The following WDR7 variants were observed in gnomAD, a reference collection of about 807,000 sequenced individuals.
The protein encoded by WDR7 is WD repeat-containing protein 7.
Under a neutral mutation model 169.4 loss-of-function variants are expected in WDR7, and 46 were observed. The ratio of observed to expected loss-of-function variants is 0.27; its 90% CI spans 0.21 to 0.35. WDR7 has a LOEUF of 0.35. Among genes scored for constraint, WDR7 ranks in the 10% least tolerant of loss-of-function variants. The pLI is 1.00. For missense variants in WDR7, 1,534 were observed against 1,859.3 expected (o/e 0.83, Z 3.22); for synonymous variants, 612 against 666.8 (o/e 0.92, Z 1.27).
At chr18:56,708,624 T>G (rs952404181) in intron 12 of WDR7, among the ~76,000 whole-genome samples, 1 of 152,080 alleles carries the variant, frequency 6.6e-6, no homozygotes, top group Non-Finnish European at 1.5e-5. Flanking sequence ...GGCAACACTT[T>G]GAGTTCCTTA....
At chr18:56,803,296 A>G (rs1240338861) in intron 19 of WDR7, among the ~76,000 whole-genome samples, 1 of 152,200 alleles carries the variant, frequency 6.6e-6, no homozygotes, top group Non-Finnish European at 1.5e-5. Flanking sequence ...ATCTGCTAGC[A>G]CAATATTAAA....
intron 21 of WDR7, among the ~76,000 whole-genome samples, chr18:56,906,249 G>T (rs1414817350): frequency 6.6e-6 from 1 of 152,168 alleles, no homozygotes; most frequent in Non-Finnish European, 1.5e-5. Context: ...GCAGGATCCA[G>T]ATTTGAGGAG....
chr18:56,924,189 G>A (rs896325031), intron 22 of WDR7, 81 bp downstream of exon 22: 4 of 1,475,726 alleles, frequency 2.7e-6, no homozygotes, highest in Non-Finnish European at 3.7e-6. Context: ...TGATCATTCT[G>A]TATAGATTGT....
At position 56,878,771 on chromosome 18, in the gene WDR7, T is replaced by C. The variant is rs539344593; in HGVS notation, c.3305-1173T>C. 3.3e-5 allele frequency among the ~76,000 whole-genome samples: 5 copies of C among 152,322 alleles called. No individual in the cohort carries two copies. The East Asian group carries it at 7.7e-4, about 23-fold the overall frequency. ...CTAATCTGCTTTCTGTCTCTATGGA[T>C]TTGCCTATTCTAAACATTTCATATA... On this transcript the variant is annotated intron_variant, in intron 20 of 27. Coordinates refer to ENST00000254442, the MANE Select transcript of WDR7 (RefSeq NM_015285.3).
chr18:56,741,822 G>A (rs1417328622), intron 14 of WDR7, among the ~76,000 whole-genome samples: 1 of 152,166 alleles, frequency 6.6e-6, no homozygotes, highest in African/African-American at 2.4e-5. Flanking sequence ...GTGATTACAG[G>A]ATTTTTGGCT....
intron 1 of WDR7, among the ~76,000 whole-genome samples, chr18:56,670,725 G>C (rs1410291036): frequency 6.6e-6 from 1 of 152,106 alleles, no homozygotes; most frequent in African/African-American, 2.4e-5. Context: ...TGGCCAGGCT[G>C]GTCTTGAACT....
intron 19 of WDR7, among the ~76,000 whole-genome samples, chr18:56,794,304 A>ATTTTTTTCTT (rs2044544068): frequency 2.0e-5 from 1 of 49,466 alleles, no homozygotes; most frequent in Non-Finnish European, 3.8e-5. Context: ...GGTAAAGTCT[A>ATTTTTTTCTT]TTTTTTTTTT....
chr18:57,002,205 C>T (rs760012531), intron 26 of WDR7, among the ~76,000 whole-genome samples: 3 of 152,018 alleles, frequency 2.0e-5, no homozygotes, highest in African/African-American at 7.2e-5. Context: ...TGAGTTGTCT[C>T]GAACCCAGAC....
At chr18:56,697,494 C>T (rs546810830) in intron 12 of WDR7, among the ~76,000 whole-genome samples, 1 of 152,222 alleles carries the variant, frequency 6.6e-6, no homozygotes, top group East Asian at 1.9e-4. Flanking sequence ...TAATTGTTCT[C>T]TTCCTTCTTT....
chr18:57,034,230 A>G (rs2048455967), downstream of WDR7: 1 of 152,156 alleles, frequency 6.6e-6, no homozygotes, highest in South Asian at 2.1e-4. Flanking sequence ...ATAAAAATAA[A>G]AGACCCAGCC....
At position 56,757,132 on chromosome 18, in the gene WDR7, A is replaced by G. The variant is rs778309174; in HGVS notation, c.2539A>G (p.Met847Val). The stretch of plus-strand genomic sequence containing the variant: ...GTCAAGAGGAGGCCATATGTCACTG[A>G]TGCTGCCGGGTTATAATCAGCCTGC... Reference protein sequence around the residue: ...LLSRGGHMSLMLPGYNQPACK... With the variant: ...LLSRGGHMSLVLPGYNQPACK... Residue 847 changes from methionine to valine, a missense_variant, in exon 15 of 28, where the codon ATG becomes GTG. Met to Val is a conservative substitution (Grantham distance 21, BLOSUM62 1). Coordinates refer to ENST00000254442, the MANE Select transcript of WDR7 (RefSeq NM_015285.3). 6.2e-7 allele frequency: 1 copy of G among 1,614,094 alleles called. No homozygotes were observed. The highest frequency in any genetic ancestry group is 8.5e-7 in the Non-Finnish European group (1 of 1,180,004).
chr18:56,893,738 C>T (rs1453334719), intron 21 of WDR7, among the ~76,000 whole-genome samples: 2 of 152,004 alleles, frequency 1.3e-5, no homozygotes, highest in Non-Finnish European at 2.9e-5. Flanking sequence ...TTATATTCTT[C>T]AAAACCCTGG....
intron 19 of WDR7, among the ~76,000 whole-genome samples, chr18:56,788,031 G>T (rs2044429015): frequency 6.6e-6 from 1 of 152,056 alleles, no homozygotes. Flanking sequence ...TTTTATATAT[G>T]CCTCAGTGTT....
intron 19 of WDR7, among the ~76,000 whole-genome samples, chr18:56,785,930 A>G (rs2044392774): frequency 6.6e-6 from 1 of 150,888 alleles, no homozygotes; most frequent in Admixed American, 6.6e-5. Context: ...CCTCCTGAGT[A>G]GCTGGAACTA....
intron 9 of WDR7, among the ~76,000 whole-genome samples, chr18:56,692,748 C>T (rs1037967666): frequency 6.6e-6 from 1 of 151,912 alleles, no homozygotes; most frequent in Non-Finnish European, 1.5e-5. Context: ...TAAATATCAG[C>T]TCCCTAATAC....
chr18:56,935,720 T>C (rs2046950940), intron 22 of WDR7, 68 bp from the exon 23 acceptor site: 2 of 1,432,324 alleles, frequency 1.4e-6, no homozygotes, highest in Non-Finnish European at 2.0e-6. Context: ...ATAAGCTGTG[T>C]CTAATCTTTT....
At chr18:56,971,219 C>T (rs1422664997) in intron 26 of WDR7, among the ~76,000 whole-genome samples, 1 of 150,116 alleles carries the variant, frequency 6.7e-6, no homozygotes, top group Non-Finnish European at 1.5e-5. Flanking sequence ...TTGCAGTTTG[C>T]AGTGAGCCGA....
intron 20 of WDR7, among the ~76,000 whole-genome samples, chr18:56,841,150 A>G (rs1043266871): frequency 6.6e-6 from 1 of 152,068 alleles, no homozygotes; most frequent in Non-Finnish European, 1.5e-5. Flanking sequence ...CTGAGATCGC[A>G]CCACCGCACT....
intron 1 of WDR7, among the ~76,000 whole-genome samples, chr18:56,668,098 A>G (rs761066858): frequency 9.2e-5 from 14 of 152,204 alleles, no homozygotes; most frequent in Non-Finnish European, 1.3e-4. Flanking sequence ...GTTATATCAC[A>G]GCTTGAGTGA....
Sources: allele counts gnomAD v4.1 joint callset (sites outside exome capture counted in the v4.1 genomes callset), GRCh38; gene constraint gnomAD v4.1.1; transcripts MANE v1.5; gene names NCBI Gene and HGNC (gene_info 2026-07-23, HGNC 2026-07-21).